HMGA2: variants seen among roughly 807,000 people sequenced by gnomAD.
HMGA2 encodes the protein high mobility group AT-hook 2.
A neutral mutation model predicts 19.1 loss-of-function variants in HMGA2; 8 were observed. That is an observed-to-expected ratio of 0.42 (90% CI 0.25 to 0.76). The LOEUF is 0.76. HMGA2 is among the 30% of genes least tolerant of loss of function. The pLI is 0.28. For missense variants in HMGA2, 109 were observed against 136.3 expected (o/e 0.80, Z 1.00); for synonymous variants, 60 against 48.8 (o/e 1.23, Z -0.96).
chr12:65,925,889 T>A (rs1017597806), intron 3 of HMGA2, among the ~76,000 whole-genome samples: 1 of 152,214 alleles, frequency 6.6e-6, no homozygotes, highest in Admixed American at 6.5e-5. Context: ...AGCTATTGAC[T>A]GCAGAGCCAT....
At chr12:65,842,083 T>C in intron 3 of HMGA2, 3 of 1,288,380 alleles carry the variant, frequency 2.3e-6, no homozygotes, top group Non-Finnish European at 3.0e-6. Context: ...CGTGTGTGTG[T>C]AGAAGAGGCT....
chr12:65,928,481 A>T (rs1875593877), intron 3 of HMGA2, among the ~76,000 whole-genome samples: 1 of 152,212 alleles, frequency 6.6e-6, no homozygotes, highest in Admixed American at 6.5e-5. Flanking sequence ...TTTATAAAAA[A>T]TATTTTTCTT....
intron 3 of HMGA2, among the ~76,000 whole-genome samples, chr12:65,865,200 C>G (rs536857703): frequency 6.6e-6 from 1 of 152,072 alleles, no homozygotes; most frequent in African/African-American, 2.4e-5. Flanking sequence ...ATGTGTTAAT[C>G]GACTGTGTTA....
At chr12:65,827,733 C>T (rs1870278524) in intron 1 of HMGA2, among the ~76,000 whole-genome samples, 1 of 152,200 alleles carries the variant, frequency 6.6e-6, no homozygotes, top group South Asian at 2.1e-4. Flanking sequence ...TAGAACATGC[C>T]TCTTCAGTCT....
At chr12:65,848,863 A>C (rs74468182) in intron 3 of HMGA2, among the ~76,000 whole-genome samples, 3 of 145,010 alleles carry the variant, frequency 2.1e-5, no homozygotes, top group Admixed American at 6.9e-5. Context: ...ACTCCGTCTC[A>C]AAAAAAAAAA....
At chr12:65,851,535 A>G (rs1871465729) in intron 3 of HMGA2, 1 of 304,882 alleles carries the variant, frequency 3.3e-6, no homozygotes, top group Non-Finnish European at 6.6e-6. Flanking sequence ...AACAAAAACC[A>G]AGAAATTAGA....
intron 4 of HMGA2, among the ~76,000 whole-genome samples, chr12:65,962,214 G>T (rs927496475): frequency 2.6e-5 from 4 of 152,160 alleles, no homozygotes; most frequent in Non-Finnish European, 5.9e-5. Flanking sequence ...CACTAACGAC[G>T]CTTTTATCGG....
At chr12:65,862,500 G>A (rs1261311999) in intron 3 of HMGA2, among the ~76,000 whole-genome samples, 1 of 152,120 alleles carries the variant, frequency 6.6e-6, no homozygotes, top group Non-Finnish European at 1.5e-5. Context: ...TTTTGAAAGT[G>A]CATTTAAAAT....
At chr12:65,933,402 C>A (rs1359709904) in intron 3 of HMGA2, among the ~76,000 whole-genome samples, 4 of 152,098 alleles carry the variant, frequency 2.6e-5, no homozygotes, top group Non-Finnish European at 4.4e-5. Context: ...TTTCTTTAAA[C>A]CTCCTTAATA....
chr12:65,932,305 G>T (rs1317300479), intron 3 of HMGA2, among the ~76,000 whole-genome samples: 1 of 152,190 alleles, frequency 6.6e-6, no homozygotes, highest in Non-Finnish European at 1.5e-5. Context: ...CATGATATGT[G>T]TGTCTCAAAC....
At chr12:65,878,706 T>C (rs925414707) in intron 3 of HMGA2, among the ~76,000 whole-genome samples, 1 of 152,208 alleles carries the variant, frequency 6.6e-6, no homozygotes, top group Non-Finnish European at 1.5e-5. Context: ...TTATTGACAG[T>C]GTTTCACTGC....
intron 3 of HMGA2, among the ~76,000 whole-genome samples, chr12:65,883,672 A>G (rs1873536269): frequency 6.6e-6 from 1 of 152,184 alleles, no homozygotes; most frequent in East Asian, 1.9e-4. Context: ...CTGTACTAAC[A>G]GTTTTGCTAA....
intron 3 of HMGA2, among the ~76,000 whole-genome samples, chr12:65,922,557 A>G (rs1028734856): frequency 6.6e-6 from 1 of 152,214 alleles, no homozygotes; most frequent in African/African-American, 2.4e-5. Flanking sequence ...TTACAGGCTC[A>G]TACACAGAAG....
intron 3 of HMGA2, chr12:65,915,519 TA>T: frequency 5.1e-6 from 6 of 1,176,076 alleles, no homozygotes; most frequent in Non-Finnish European, 5.3e-6. Context: ...AACAGATGCT[TA>T]AAAAGTATTC....
chr12:65,940,532 A>G (rs1876055628), intron 3 of HMGA2, among the ~76,000 whole-genome samples: 1 of 152,214 alleles, frequency 6.6e-6, no homozygotes, highest in African/African-American at 2.4e-5. Context: ...AGTCCAAGGA[A>G]GCTAGATTTT....
intron 3 of HMGA2, among the ~76,000 whole-genome samples, chr12:65,840,203 T>A (rs544080112): frequency 6.6e-6 from 1 of 152,200 alleles, no homozygotes; most frequent in Non-Finnish European, 1.5e-5. Flanking sequence ...CAGTTATCGA[T>A]TGCTGCATAG....
intron 3 of HMGA2, among the ~76,000 whole-genome samples, chr12:65,904,372 T>G (rs1874499016): frequency 6.6e-6 from 1 of 152,216 alleles, no homozygotes. Flanking sequence ...CACTACACAA[T>G]TATCAGTATG....
intron 3 of HMGA2, among the ~76,000 whole-genome samples, chr12:65,932,515 A>G (rs1875751244): frequency 6.6e-6 from 1 of 152,246 alleles, no homozygotes; most frequent in Admixed American, 6.5e-5. Context: ...CAATGAATGT[A>G]TGTTGAATAA....
chr12:65,880,981 T>G (rs1328450452), intron 3 of HMGA2, among the ~76,000 whole-genome samples: 1 of 152,176 alleles, frequency 6.6e-6, no homozygotes, highest in African/African-American at 2.4e-5. Flanking sequence ...ATAATGCCTG[T>G]AGGGAAAATT....
Sources: gnomAD v4.1 joint callset for allele counts (sites outside exome capture counted in the v4.1 genomes callset) on GRCh38, gnomAD v4.1.1 for gene constraint, MANE v1.5 for transcripts, NCBI Gene and HGNC (gene_info 2026-07-23, HGNC 2026-07-21) for gene names.